The following TMEM117 variants were observed in gnomAD, a reference collection of about 807,000 sequenced individuals.
TMEM117 encodes transmembrane protein 117.
A neutral mutation model predicts 52.4 loss-of-function variants in TMEM117; 27 were observed. That is an observed-to-expected ratio of 0.51 (90% CI 0.38 to 0.71). The LOEUF is 0.71. TMEM117 is among the 30% of genes least tolerant of loss of function. TMEM117 has a pLI of 0.00. For synonymous variants in TMEM117, 215 were observed against 206.3 expected, an observed-to-expected ratio of 1.04 and a Z score of -0.36; for missense variants, 556 against 630.5, an observed-to-expected ratio of 0.88 and a Z score of 1.26.
intron 5 of TMEM117, among the ~76,000 whole-genome samples, chr12:44,279,385 T>C (rs1363789050): frequency 6.6e-6 from 1 of 152,170 alleles, no homozygotes; most frequent in Non-Finnish European, 1.5e-5. Flanking sequence ...CCAAATAATG[T>C]TTTTTTCTCT....
intron 3 of TMEM117, among the ~76,000 whole-genome samples, chr12:43,945,136 A>AATAAATAAATAAAT (rs1346218594): frequency 4.0e-5 from 6 of 151,730 alleles, no homozygotes; most frequent in Admixed American, 3.9e-4. Flanking sequence ...TAAATAAATA[A>AATAAATAAATAAAT]ATAAAGTGGG....
chr12:43,841,840 GATA>G (rs901290158), intron 1 of TMEM117, among the ~76,000 whole-genome samples: 1 of 152,104 alleles, frequency 6.6e-6, no homozygotes, highest in Non-Finnish European at 1.5e-5. Flanking sequence ...TGATAGGAAT[GATA>G]ATAATGGTAT....
At chr12:44,142,825 AT>A (rs1948589625) in intron 3 of TMEM117, among the ~76,000 whole-genome samples, 1 of 152,170 alleles carries the variant, frequency 6.6e-6, no homozygotes. Context: ...AATTAGAAAA[AT>A]AATAATTAGT....
intron 2 of TMEM117, among the ~76,000 whole-genome samples, chr12:43,854,167 C>G (rs914794467): frequency 6.6e-6 from 1 of 152,064 alleles, no homozygotes; most frequent in South Asian, 2.1e-4. Context: ...GAGATGATGA[C>G]AAGATTAATC....
At chr12:43,829,981 T>C in the TMEM117 span, among the ~76,000 whole-genome samples, 1 of 149,634 alleles carries the variant, frequency 6.7e-6, no homozygotes, top group African/African-American at 2.5e-5. Context: ...CCAGCTACTC[T>C]GGAGGCTGAG....
chr12:43,812,228 A>G, the TMEM117 span, among the ~76,000 whole-genome samples: 52 of 152,330 alleles, frequency 3.4e-4, no homozygotes, highest in African/African-American at 1.2e-3. Flanking sequence ...ACAGGCCTAG[A>G]CTTGACACTA....
intron 3 of TMEM117, among the ~76,000 whole-genome samples, chr12:44,065,841 G>A (rs1255710712): frequency 6.6e-6 from 1 of 152,198 alleles, no homozygotes; most frequent in East Asian, 1.9e-4. Flanking sequence ...CCCTTATAAT[G>A]TGGTTCCTCT....
chr12:43,960,058 C>G (rs920339360), intron 3 of TMEM117, among the ~76,000 whole-genome samples: 8 of 152,270 alleles, frequency 5.3e-5, no homozygotes, highest in African/African-American at 1.9e-4. Flanking sequence ...GCTGCTCATA[C>G]AAGGCTGGAT....
At chr12:44,376,525 C>A in intron 6 of TMEM117, 70 bp from the exon 7 acceptor site, 4 of 1,567,300 alleles carry the variant, frequency 2.6e-6, no homozygotes, top group South Asian at 2.4e-5. Flanking sequence ...TATAAAAAGT[C>A]AATTTTTGGT....
chr12:44,114,611 T>A (rs527742536), intron 3 of TMEM117, among the ~76,000 whole-genome samples: 85 of 152,266 alleles, frequency 5.6e-4, no homozygotes, highest in Non-Finnish European at 9.9e-4. Context: ...TAATTTATTC[T>A]CTCTGTGCTT....
chr12:43,899,844 G>A (rs1440974310), intron 2 of TMEM117, among the ~76,000 whole-genome samples: 2 of 131,014 alleles, frequency 1.5e-5, no homozygotes, highest in Non-Finnish European at 3.2e-5. Flanking sequence ...GACAGAGCTG[G>A]ATTTGCCACT....
At chr12:43,975,644 G>C (rs773628367) in intron 3 of TMEM117, among the ~76,000 whole-genome samples, 1 of 152,122 alleles carries the variant, frequency 6.6e-6, no homozygotes, top group Non-Finnish European at 1.5e-5. Context: ...TGATAATATC[G>C]TATCTACTTC....
chr12:44,375,324 G>A (rs1440358930), intron 6 of TMEM117, among the ~76,000 whole-genome samples: 1 of 152,178 alleles, frequency 6.6e-6, no homozygotes, highest in African/African-American at 2.4e-5. Context: ...AGATTTACAT[G>A]TACCCTGATA....
chr12:43,910,231 C>T (rs1362149883), intron 2 of TMEM117, among the ~76,000 whole-genome samples: 9 of 151,850 alleles, frequency 5.9e-5, no homozygotes, highest in Non-Finnish European at 1.3e-4. Context: ...TAAGCAGAAC[C>T]AAAGCCAAAA....
chr12:44,021,598 C>G (rs1303301016), intron 3 of TMEM117, among the ~76,000 whole-genome samples: 1 of 152,220 alleles, frequency 6.6e-6, no homozygotes, highest in Admixed American at 6.5e-5. Context: ...TTTTTAGACA[C>G]TTAGAGCTTG....
intron 2 of TMEM117, among the ~76,000 whole-genome samples, chr12:43,885,527 G>A (rs1177954053): frequency 1.3e-5 from 2 of 150,542 alleles, no homozygotes; most frequent in Admixed American, 6.6e-5. Context: ...AGCCAAGAGG[G>A]AAAAAAAGAA....
intron 6 of TMEM117, among the ~76,000 whole-genome samples, chr12:44,313,062 T>C (rs1478234575): frequency 6.6e-6 from 1 of 152,244 alleles, no homozygotes; most frequent in Non-Finnish European, 1.5e-5. Flanking sequence ...TACTGTGAGC[T>C]GTCTGTTTAC....
chr12:44,000,900 G>A (rs376425843), intron 3 of TMEM117, among the ~76,000 whole-genome samples: 1 of 152,084 alleles, frequency 6.6e-6, no homozygotes, highest in Non-Finnish European at 1.5e-5. Flanking sequence ...TGATTCCTGG[G>A]TGTTGAGGTC....
chr12:44,167,242 A>G (rs750125521), intron 4 of TMEM117, among the ~76,000 whole-genome samples: 8 of 152,196 alleles, frequency 5.3e-5, no homozygotes, highest in Non-Finnish European at 1.2e-4. Flanking sequence ...TTCTGAATGT[A>G]TTGTAGTCCT....
Sources: allele counts gnomAD v4.1 joint callset (sites outside exome capture counted in the v4.1 genomes callset), GRCh38; gene constraint gnomAD v4.1.1; transcripts MANE v1.5; gene names NCBI Gene and HGNC (gene_info 2026-07-23, HGNC 2026-07-21).